The following LRCH2 variants were observed in gnomAD, a reference collection of about 807,000 sequenced individuals.
The protein encoded by LRCH2 is leucine rich repeats and calponin homology domain containing 2, also known as leucine-rich repeat and calponin homology domain-containing protein 2.
Under a neutral mutation model 68.9 loss-of-function variants are expected in LRCH2, and 38 were observed. The ratio of observed to expected loss-of-function variants is 0.55; its 90% CI spans 0.43 to 0.72. LRCH2 has a LOEUF of 0.72. Ranked by LOEUF, LRCH2 falls within the 30% of genes least tolerant of loss-of-function variation. The pLI is 0.00. For synonymous variants in LRCH2, 191 were observed against 208.1 expected (o/e 0.92, Z 0.71); for missense variants, 528 against 572.9 (o/e 0.92, Z 0.80).
Position 115,166,265 on chromosome X carries a change from G to T in LRCH2, c.1076C>A (p.Ser359Tyr). The T allele has an allele frequency of 8.4e-7, 1 of 1,185,303 alleles. No homozygotes were observed. The change falls in exon 7 of 21, where the codon TCC (serine) becomes TAC (tyrosine). Residue 359 changes from serine (S) to tyrosine (Y), a missense_variant. Transcript: ENST00000317135. The part of the protein sequence containing the change: ...IGSDNGEKRL[S>Y]TTEPSDDDTV... ...ATAGAAAATACTCACTTCTGTTGTG[G>T]ATAATCGTTTCTCTCCATTATCACT...
At position 115,206,167 on chromosome X, in the gene LRCH2, A is replaced by C. The variant is rs1446657812; in HGVS notation, c.350-17797T>G. ...AGTAATATTAGAAGCTCCCTCAGGGAATTTAATTAAATGTGCATTCATAAA... is the reference window on the plus strand; with the variant it reads ...AGTAATATTAGAAGCTCCCTCAGGGCATTTAATTAAATGTGCATTCATAAA... On this transcript the variant is annotated intron_variant, in intron 1 of 20. Coordinates refer to ENST00000317135, the MANE Select transcript of LRCH2 (RefSeq NM_020871.4). Among the ~76,000 whole-genome samples, 5 of 112,443 alleles carry C rather than the reference A, an allele frequency of 4.4e-5. No individual in the cohort carries two copies. The East Asian group carries it at 1.1e-3, about 25-fold the overall frequency.
chrX:115,210,388 C>T (rs1186938518), intron 1 of LRCH2, among the ~76,000 whole-genome samples: 4 of 112,241 alleles, frequency 3.6e-5, no homozygotes, highest in Admixed American at 2.8e-4. Flanking sequence ...AGGGTGCAAG[C>T]CCCAAGCCTT....
At chrX:115,149,745 T>C in intron 14 of LRCH2, 82 bp downstream of exon 14, 4 of 550,536 alleles carry the variant, frequency 7.3e-6, no homozygotes, top group Non-Finnish European at 1.1e-5. Flanking sequence ...AGAGTTACAG[T>C]CTACCTTATT....
intron 20 of LRCH2, among the ~76,000 whole-genome samples, chrX:115,115,363 A>C (rs142632084): frequency 2.2e-3 from 240 of 111,143 alleles, no homozygotes; most frequent in African/African-American, 7.2e-3. Flanking sequence ...TTTAGTGGTA[A>C]AAAAAACTGA....
Position 115,188,309 on chromosome X carries a change from T to C in LRCH2, c.411A>G (p.Glu137=). ...PSDVWLFAPL[E]TLNLYHNCIK... ...TGCAATTATGATATAAATTTAATGT[T>C]TCAAGGGGTGCAAATAACCAGACAT... The change falls in exon 2 of 21, where the codon GAA becomes GAG. Residue 137 remains glutamate, a synonymous_variant. Transcript: ENST00000317135. 1 of 1,188,899 alleles carries C rather than the reference T, an allele frequency of 8.4e-7. No individual in the cohort carries two copies. Among genetic ancestry groups the C allele is most frequent in the East Asian group, 3.0e-5 (1 of 33,464 alleles).
At chrX:115,192,012 A>C (rs2072836221) in intron 1 of LRCH2, 1 of 1,166,307 alleles carries the variant, frequency 8.6e-7, no homozygotes, top group Admixed American at 2.6e-5. Flanking sequence ...GCTATGGAGG[A>C]GGAGGCCACT....
At chrX:115,194,047 C>T (rs1018398222) in intron 1 of LRCH2, among the ~76,000 whole-genome samples, 3 of 110,935 alleles carry the variant, frequency 2.7e-5, no homozygotes, top group Non-Finnish European at 3.8e-5. Flanking sequence ...TCAACTTCCT[C>T]ATTCCAAGGG....
chrX:115,126,061 G>A (rs1556527980), intron 16 of LRCH2, among the ~76,000 whole-genome samples: 1 of 111,119 alleles, frequency 9.0e-6, no homozygotes, highest in Non-Finnish European at 1.9e-5. Context: ...GTTACACAGT[G>A]AATTTGGGCC....
intron 14 of LRCH2, among the ~76,000 whole-genome samples, chrX:115,133,004 T>C (rs2072259051): frequency 9.0e-6 from 1 of 111,012 alleles, no homozygotes. Context: ...ATTGAGAAAT[T>C]TGGTAAGTCA....
intron 1 of LRCH2, chrX:115,192,632 G>T: frequency 8.6e-7 from 1 of 1,169,286 alleles, no homozygotes; most frequent in East Asian, 3.2e-5. Context: ...GGGGAAGGCC[G>T]GAGCAGATAC....
At position 115,111,131 on chromosome X, in the gene LRCH2, G is replaced by A. The variant is rs2072040039; in HGVS notation, c.*2085C>T. ...GCTGTGAAACTGCTTTAGACGTGGT[G>A]TTGCCATTTGGCACAAGAGTAAATG... On this transcript the variant is annotated 3_prime_UTR_variant, in exon 21 of 21. Coordinates refer to ENST00000317135, the MANE Select transcript of LRCH2 (RefSeq NM_020871.4). 1 of 111,624 alleles carries A rather than the reference G, an allele frequency of 9.0e-6. No individual in the cohort carries two copies. Among genetic ancestry groups the A allele is most frequent in the Non-Finnish European group, 1.9e-5 (1 of 53,150 alleles). The allele number at this position is 111,624 out of a possible 1,213,427, so 9.2% of individuals were successfully genotyped here.
intron 20 of LRCH2, among the ~76,000 whole-genome samples, chrX:115,119,352 A>G (rs2072114331): frequency 1.0e-5 from 1 of 100,247 alleles, no homozygotes; most frequent in South Asian, 5.0e-4. Context: ...TACAAAAATC[A>G]CAAGCATTCT....
chrX:115,161,568 T>C (rs1556541726), intron 11 of LRCH2, among the ~76,000 whole-genome samples: 1 of 111,646 alleles, frequency 9.0e-6, no homozygotes, highest in East Asian at 2.8e-4. Context: ...GCAGAAGTTT[T>C]TTTTAGGGAG....
intron 1 of LRCH2, among the ~76,000 whole-genome samples, chrX:115,227,773 C>T (rs1478288561): frequency 3.7e-5 from 4 of 108,672 alleles, no homozygotes; most frequent in Non-Finnish European, 7.6e-5. Context: ...ATCAGTTCAT[C>T]TCCATATGGT....
At chrX:115,200,414 C>T (rs2072922005) in intron 1 of LRCH2, among the ~76,000 whole-genome samples, 1 of 110,372 alleles carries the variant, frequency 9.1e-6, no homozygotes, top group African/African-American at 3.3e-5. Context: ...AGAGATGAAC[C>T]AAATAAACAC....
At chrX:115,196,538 T>C (rs2072888841) in intron 1 of LRCH2, among the ~76,000 whole-genome samples, 1 of 110,999 alleles carries the variant, frequency 9.0e-6, no homozygotes, top group Admixed American at 9.5e-5. Context: ...GTTCTGGGTG[T>C]TCCACAACCC....
chrX:115,144,015 A>G (rs188633960), intron 14 of LRCH2, among the ~76,000 whole-genome samples: 213 of 111,997 alleles, frequency 1.9e-3, no homozygotes, highest in African/African-American at 6.4e-3. Flanking sequence ...ACGATTCACA[A>G]GTGTCATGGG....
At chrX:115,129,785 A>G (rs2147351758) in intron 15 of LRCH2, among the ~76,000 whole-genome samples, 1 of 111,925 alleles carries the variant, frequency 8.9e-6, no homozygotes, top group South Asian at 3.8e-4. Context: ...ATTTTAAAAT[A>G]GCATGCAGAA....
intron 20 of LRCH2, among the ~76,000 whole-genome samples, chrX:115,119,003 T>G (rs1305764851): frequency 1.7e-4 from 19 of 111,554 alleles, no homozygotes; most frequent in Admixed American, 4.8e-4. Flanking sequence ...AAATTAGGTA[T>G]TGATGGGACG....
Sources: gnomAD v4.1 joint callset for allele counts (sites outside exome capture counted in the v4.1 genomes callset) on GRCh38, gnomAD v4.1.1 for gene constraint, MANE v1.5 for transcripts, NCBI Gene and HGNC (gene_info 2026-07-23, HGNC 2026-07-21) for gene names.